The following KYNU variants were observed in gnomAD, a reference collection of about 807,000 sequenced individuals.
KYNU encodes the protein kynureninase.
In KYNU, 54 loss-of-function variants were observed where a neutral mutation model predicts 59.2. That is an observed-to-expected ratio of 0.91 (90% CI 0.73 to 1.14). The LOEUF is 1.14. KYNU is among the 50% of genes most tolerant of loss of function. The pLI, the probability that KYNU is intolerant of heterozygous loss-of-function variation, is 0.00. For missense variants in KYNU, 567 were observed against 554.4 expected, an observed-to-expected ratio of 1.02 and a Z score of -0.23; for synonymous variants, 177 against 192.0, an observed-to-expected ratio of 0.92 and a Z score of 0.65.
At chr2:142,883,671 T>C (rs1681387708) in intron 1 of KYNU, among the ~76,000 whole-genome samples, 1 of 152,214 alleles carries the variant, frequency 6.6e-6, no homozygotes, top group Non-Finnish European at 1.5e-5. Context: ...CTTCACATGA[T>C]GTAGACATTC....
intron 10 of KYNU, among the ~76,000 whole-genome samples, chr2:143,011,094 G>A (rs1686082606): frequency 1.4e-5 from 2 of 146,100 alleles, no homozygotes; most frequent in African/African-American, 5.1e-5. Flanking sequence ...CTTCTGCACA[G>A]CCAAAGAAAC....
At chr2:142,936,614 A>G (rs919029161) in intron 4 of KYNU, among the ~76,000 whole-genome samples, 2 of 152,198 alleles carry the variant, frequency 1.3e-5, no homozygotes, top group Admixed American at 1.3e-4. Context: ...CTAAGAACAG[A>G]TGATCAGCAA....
chr2:142,950,960 G>T (rs1683970797), intron 4 of KYNU, among the ~76,000 whole-genome samples: 1 of 152,168 alleles, frequency 6.6e-6, no homozygotes, highest in African/African-American at 2.4e-5. Flanking sequence ...GAACAGGGAG[G>T]CTGGAGAAGT....
intron 8 of KYNU, among the ~76,000 whole-genome samples, chr2:142,961,198 A>C (rs1325647363): frequency 6.6e-6 from 1 of 151,884 alleles, no homozygotes; most frequent in African/African-American, 2.4e-5. Flanking sequence ...ATCTCAAAAA[A>C]AAAAAAGCGA....
At chr2:143,000,158 A>G (rs546873726) in intron 10 of KYNU, among the ~76,000 whole-genome samples, 101 of 152,226 alleles carry the variant, frequency 6.6e-4, no homozygotes, top group South Asian at 1.7e-3. Flanking sequence ...TCCCTCCCCT[A>G]CTTTTCTGTT....
At chr2:142,943,760 C>A (rs544597586) in intron 4 of KYNU, among the ~76,000 whole-genome samples, 11 of 152,294 alleles carry the variant, frequency 7.2e-5, no homozygotes, top group South Asian at 6.2e-4. Context: ...GCTATCCCCC[C>A]ACAGCTGCAG....
chr2:142,987,018 G>A (rs1269665376), intron 10 of KYNU, among the ~76,000 whole-genome samples: 1 of 151,658 alleles, frequency 6.6e-6, no homozygotes, highest in African/African-American at 2.4e-5. Flanking sequence ...GACAACATTT[G>A]TCTTAAGTTT....
At chr2:143,006,445 A>T (rs1685899613) in intron 10 of KYNU, among the ~76,000 whole-genome samples, 1 of 149,804 alleles carries the variant, frequency 6.7e-6, no homozygotes, top group African/African-American at 2.5e-5. Flanking sequence ...CAGCAGTCTG[A>T]GATCAAACTG....
chr2:143,024,881 A>G (rs901542168), intron 10 of KYNU, among the ~76,000 whole-genome samples: 3 of 152,106 alleles, frequency 2.0e-5, no homozygotes, highest in Non-Finnish European at 2.9e-5. Flanking sequence ...TTATGATAGA[A>G]CTTATTTATC....
At chr2:142,982,705 A>G (rs1005128048) in intron 8 of KYNU, among the ~76,000 whole-genome samples, 2 of 152,042 alleles carry the variant, frequency 1.3e-5, no homozygotes, top group African/African-American at 4.8e-5. Context: ...CTTCCTCTTT[A>G]TTTTTGGATA....
chr2:143,006,643 C>T (rs1219942438), intron 10 of KYNU, among the ~76,000 whole-genome samples: 5 of 149,188 alleles, frequency 3.4e-5, no homozygotes, highest in Admixed American at 2.0e-4. Flanking sequence ...CCTCTGCAGA[C>T]TTAAATGTCC....
rs1043387301 is a variant in KYNU at position 143,039,677 on chromosome 2, CAA to C, written c.1042-749_1042-748del. Among the ~76,000 whole-genome samples, 11 of 152,148 alleles carry C rather than the reference CAA, an allele frequency of 7.2e-5. 1 individual carries two copies. Among genetic ancestry groups the C allele is most frequent in the Admixed American group, 7.2e-4 (11 of 15,252 alleles). ...TTATCACCAGACCAACTCAAAATTA[CAA>C]AGTTTTACAGGTGTAAGTGTGCATT... is the stretch of plus-strand genomic sequence containing the variant. On this transcript the variant is annotated intron_variant, in intron 12 of 13. Transcript: ENST00000264170.
intron 1 of KYNU, among the ~76,000 whole-genome samples, chr2:142,878,120 A>G (rs1681159423): frequency 6.6e-6 from 1 of 152,160 alleles, no homozygotes; most frequent in African/African-American, 2.4e-5. Context: ...GTTTTCTGGT[A>G]ACTTTAATTG....
intron 4 of KYNU, among the ~76,000 whole-genome samples, chr2:142,952,367 A>G (rs1007832702): frequency 8.5e-5 from 13 of 152,078 alleles, no homozygotes; most frequent in Admixed American, 7.9e-4. Flanking sequence ...TAAAACCATC[A>G]TGCCCAGCCT....
chr2:142,950,904 C>T (rs568937395), intron 4 of KYNU, among the ~76,000 whole-genome samples: 19 of 152,108 alleles, frequency 1.2e-4, no homozygotes, highest in African/African-American at 4.3e-4. Context: ...ACCTAAAGGC[C>T]ATTGTAGGGT....
chr2:142,931,877 T>A (rs1474685100), intron 4 of KYNU, among the ~76,000 whole-genome samples: 3 of 152,180 alleles, frequency 2.0e-5, no homozygotes, highest in African/African-American at 7.2e-5. Context: ...GCTGGATGGA[T>A]GTTCAGAGTA....
At chr2:142,897,390 T>G (rs1323695765) in intron 2 of KYNU, among the ~76,000 whole-genome samples, 2 of 152,172 alleles carry the variant, frequency 1.3e-5, no homozygotes, top group Non-Finnish European at 2.9e-5. Flanking sequence ...TTGCTGAAAC[T>G]CAATTCAATA....
At chr2:142,940,191 CAAAA>C (rs952382748) in intron 4 of KYNU, among the ~76,000 whole-genome samples, 1 of 152,094 alleles carries the variant, frequency 6.6e-6, no homozygotes, top group Non-Finnish European at 1.5e-5. Context: ...AATATGTAAA[CAAAA>C]AAACTGGAAA....
At position 142,972,664 on chromosome 2, in the gene KYNU, G is replaced by A. The variant is rs114916855; in HGVS notation, c.729+11894G>A. ...TTCCTCAAGGCAATTTAGCTGGCAA[G>A]TAAAGGCTAGAATTTGTGTCTAGCT... On this transcript the variant is annotated intron_variant, in intron 8 of 13. Transcript: ENST00000264170. Among the ~76,000 whole-genome samples, 376 of 152,098 alleles carry A rather than the reference G, an allele frequency of 2.5e-3. 1 individual carries two copies. The highest frequency in any genetic ancestry group is 8.7e-3 in the African/African-American group (362 of 41,506).
Sources: allele counts gnomAD v4.1 joint callset (sites outside exome capture counted in the v4.1 genomes callset), GRCh38; gene constraint gnomAD v4.1.1; transcripts MANE v1.5; gene names NCBI Gene and HGNC (gene_info 2026-07-23, HGNC 2026-07-21).